TTI1: variants seen among roughly 807,000 people sequenced by gnomAD.
TTI1 encodes the protein TELO2-interacting protein 1 homolog.
In TTI1, 52 loss-of-function variants were observed where a neutral mutation model predicts 85.4. The ratio of observed to expected loss-of-function variants is 0.61; its 90% CI spans 0.49 to 0.77. The LOEUF is 0.77. Among genes scored for constraint, TTI1 ranks in the 30% least tolerant of loss-of-function variants. The probability of loss-of-function intolerance (pLI) is 0.00; values close to 1 mark genes in which losing one functional copy is unlikely to be tolerated. For synonymous variants in TTI1, 512 were observed against 503.9 expected, an observed-to-expected ratio of 1.02 and a Z score of -0.22; for missense variants, 1,173 against 1,296.0, an observed-to-expected ratio of 0.91 and a Z score of 1.46.
chr20:38,022,112 T>C (rs2122635085), intron 1 of TTI1, among the ~76,000 whole-genome samples: 2 of 152,320 alleles, frequency 1.3e-5, no homozygotes, highest in Middle Eastern at 6.8e-3. Flanking sequence ...TCATAGCACC[T>C]AATAAAGGCA....
chr20:37,983,861 C>T (rs1047605017), intron 7 of TTI1, among the ~76,000 whole-genome samples: 3 of 152,208 alleles, frequency 2.0e-5, no homozygotes, highest in Admixed American at 6.5e-5. Context: ...TCATATCCAT[C>T]GACATACAGA....
At position 37,983,455 on chromosome 20, in the gene TTI1, G is replaced by A. The variant is rs199967691; in HGVS notation, c.*1C>T. On this transcript the variant is annotated 3_prime_UTR_variant, in exon 8 of 8. Coordinates refer to ENST00000373447, the MANE Select transcript of TTI1 (RefSeq NM_001303457.2). Reference sequence around the variant, plus strand: ...GTGGCCTCTGTGGTGGGGGAGCAGGGTCACTGCAGCTCCTTGAGCAGCTGG... The same window carrying A: ...GTGGCCTCTGTGGTGGGGGAGCAGGATCACTGCAGCTCCTTGAGCAGCTGG... 3.7e-6 allele frequency: 6 copies of A among 1,609,378 alleles called. No homozygotes were observed. Among genetic ancestry groups the A allele is most frequent in the Admixed American group, 1.7e-5 (1 of 59,814 alleles).
At chr20:38,031,638 C>T (rs1381201183) in intron 1 of TTI1, among the ~76,000 whole-genome samples, 1 of 152,160 alleles carries the variant, frequency 6.6e-6, no homozygotes, top group Non-Finnish European at 1.5e-5. Context: ...TTCCTGAGAA[C>T]GTGGATTTTG....
chr20:38,027,827 G>A (rs1402688620), intron 1 of TTI1, among the ~76,000 whole-genome samples: 1 of 152,192 alleles, frequency 6.6e-6, no homozygotes, highest in Non-Finnish European at 1.5e-5. Context: ...AGGAGGCTGA[G>A]GTGGGAGAAT....
intron 4 of TTI1, among the ~76,000 whole-genome samples, chr20:38,002,040 C>G (rs1157707526): frequency 6.6e-6 from 1 of 152,068 alleles, no homozygotes; most frequent in African/African-American, 2.4e-5. Context: ...CTCACTCCTG[C>G]TTGGGGGTAG....
chr20:38,029,027 A>G (rs2122655983), intron 1 of TTI1, among the ~76,000 whole-genome samples: 1 of 152,282 alleles, frequency 6.6e-6, no homozygotes, highest in Admixed American at 6.5e-5. Flanking sequence ...TCAAGTGCTC[A>G]TAGAACATAA....
chr20:38,029,371 G>C (rs1355199932), intron 1 of TTI1, among the ~76,000 whole-genome samples: 2 of 151,800 alleles, frequency 1.3e-5, no homozygotes, highest in Non-Finnish European at 2.9e-5. Context: ...AGTCTCAAAC[G>C]AAAAAGGTAA....
intron 7 of TTI1, among the ~76,000 whole-genome samples, chr20:37,984,172 T>C (rs1250484954): frequency 1.3e-5 from 2 of 152,156 alleles, no homozygotes; most frequent in Non-Finnish European, 2.9e-5. Flanking sequence ...CTTGGTGGTG[T>C]GAACAGACAC....
chr20:37,996,507 T>A (rs768923986), intron 6 of TTI1, 45 bp from the exon 7 acceptor site: 2 of 1,604,532 alleles, frequency 1.2e-6, no homozygotes, highest in Non-Finnish European at 1.7e-6. Flanking sequence ...TTACACTTCA[T>A]TTGGGACAAG....
In TTI1 at chr20:38,012,473, T is replaced by C. The variant is rs759215345; in HGVS notation, c.1344A>G (p.Glu448=). 6.2e-6 allele frequency: 10 copies of C among 1,614,092 alleles called. No homozygotes were observed. Among genetic ancestry groups the C allele is most frequent in the Non-Finnish European group, 7.6e-6 (9 of 1,180,052 alleles). The part of the protein sequence containing the change: ...LDVADIKIVE[E]RRWNSDDLNA... ...TCAGATCATCAGAGTTCCAACGCCG[T>C]TCCTCAACAATCTTGATGTCAGCCA... Residue 448 remains glutamate, a synonymous_variant, in exon 2 of 8, where the codon GAA becomes GAG. Coordinates refer to ENST00000373447, the MANE Select transcript of TTI1 (RefSeq NM_001303457.2).
chr20:37,992,331 A>G (rs1331484128), intron 7 of TTI1, among the ~76,000 whole-genome samples: 2 of 151,958 alleles, frequency 1.3e-5, no homozygotes, highest in Admixed American at 6.6e-5. Context: ...GCTGGAGTGC[A>G]GTGGTGTGAT....
Position 38,028,646 on chromosome 20 carries a change from A to G in TTI1, c.-42+4758T>C, listed in dbSNP as rs544512341. Among the ~76,000 whole-genome samples the G allele has an allele frequency of 2.7e-4, 41 of 152,348 alleles. 1 individual carries two copies. Among genetic ancestry groups the G allele is most frequent in the African/African-American group, 9.4e-4 (39 of 41,586 alleles). ...TATAGAAAAACCACCACCATCAACC[A>G]ACAGGACCTATGACATTTATAGAAC... On this transcript the variant is annotated intron_variant, in intron 1 of 7. Coordinates refer to ENST00000373447, the MANE Select transcript of TTI1 (RefSeq NM_001303457.2).
chr20:38,024,069 C>G (rs962941282), intron 1 of TTI1, among the ~76,000 whole-genome samples: 2 of 152,164 alleles, frequency 1.3e-5, no homozygotes, highest in Non-Finnish European at 2.9e-5. Flanking sequence ...CTGTTCCCTC[C>G]ACTAGACAGG....
At position 38,024,672 on chromosome 20, in the gene TTI1, G is replaced by C. The variant is rs749957344; in HGVS notation, c.-42+8732C>G. ...AGCCAAACACTACAGAAAATAAGGC[G>C]GCCTCCACCCACGGTGGCAAAGGCT... is the stretch of plus-strand genomic sequence containing the variant. On this transcript the variant is annotated intron_variant, in intron 1 of 7. Transcript: ENST00000373447. Among the ~76,000 whole-genome samples the C allele has an allele frequency of 2.0e-5, 3 of 152,084 alleles. No individual in the cohort carries two copies. In the East Asian group the frequency reaches 5.8e-4, roughly 29 times the overall value.
Position 37,996,383 on chromosome 20 carries a change from AG to A in TTI1, c.3077del (p.Ala1026ValfsTer9). The A allele has an allele frequency of 6.2e-7, 1 of 1,614,132 alleles. No individual in the cohort carries two copies. Among genetic ancestry groups the A allele is most frequent in the Non-Finnish European group, 8.5e-7 (1 of 1,180,018 alleles). ...TGATCAGGCAGACGTACCTCCTGGC[AG>A]CCTCTTGTAATTTCACGGGCTGTTT... ...SVKQPVKLQEAARSVFLHLMK... is the reference protein window; with the variant it reads ...SVKQPVKLQEXARSVFLHLMK... On this transcript the variant is annotated frameshift_variant, in exon 7 of 8. Coordinates refer to ENST00000373447, the MANE Select transcript of TTI1 (RefSeq NM_001303457.2). LOFTEE classifies it high-confidence loss of function.
intron 1 of TTI1, 60 bp from the exon 2 acceptor site, chr20:38,013,917 T>C: frequency 6.7e-7 from 1 of 1,493,144 alleles, no homozygotes; most frequent in South Asian, 1.3e-5. Context: ...GAAGTGAACT[T>C]GCATTCATTC....
chr20:38,006,287 T>C lies in TTI1; in HGVS notation c.2413A>G (p.Thr805Ala). 1 of 1,614,216 alleles carries C rather than the reference T, an allele frequency of 6.2e-7. No individual in the cohort carries two copies. The highest frequency in any genetic ancestry group is 1.1e-5 in the South Asian group (1 of 91,082). The part of the protein sequence containing the change: ...RPAALEKSTT[T>A]AEDIEQFLLN... ...AAAAACTGTTCGATGTCTTCAGCTG[T>C]GGTGGTGCTCTTCTCAAGAGCTGCT... The change falls in exon 3 of 8, where the codon ACA (threonine) becomes GCA (alanine). Residue 805 changes from threonine to alanine, a missense_variant. Thr to Ala is a moderately conservative substitution (Grantham distance 58). Coordinates refer to ENST00000373447, the MANE Select transcript of TTI1 (RefSeq NM_001303457.2).
chr20:37,996,993 A>T, intron 5 of TTI1, 40 bp from the exon 6 acceptor site: 1 of 1,598,738 alleles, frequency 6.3e-7, no homozygotes, highest in Non-Finnish European at 8.5e-7. Flanking sequence ...GAACATTGCC[A>T]AGGCAGCAAG....
At chr20:38,016,779 CT>C (rs2073688809) in intron 1 of TTI1, among the ~76,000 whole-genome samples, 1 of 152,190 alleles carries the variant, frequency 6.6e-6, no homozygotes. Context: ...CACAATGACA[CT>C]TAAGTAATCT....
Sources: allele counts gnomAD v4.1 joint callset (sites outside exome capture counted in the v4.1 genomes callset), GRCh38; gene constraint gnomAD v4.1.1; transcripts MANE v1.5; gene names NCBI Gene and HGNC (gene_info 2026-07-23, HGNC 2026-07-21).